The following NEK10 variants were observed in gnomAD, a reference collection of about 807,000 sequenced individuals.
The protein encoded by NEK10 is serine/threonine-protein kinase Nek10.
NEK10 carries 122 observed loss-of-function variants against 159.8 expected under a neutral mutation model. That is an observed-to-expected ratio of 0.76 (90% confidence interval 0.66 to 0.89). The LOEUF is 0.89. Ranked by LOEUF, NEK10 falls within the 40% of genes least tolerant of loss-of-function variation. The pLI is 0.00. For synonymous variants in NEK10, 466 were observed against 457.1 expected (o/e 1.02, Z -0.25); for missense variants, 1,342 against 1,323.1 (o/e 1.01, Z -0.22).
At chr3:27,162,121 G>A (rs1216840631) in intron 30 of NEK10, 1 of 239,572 alleles carries the variant, frequency 4.2e-6, no homozygotes, top group Non-Finnish European at 8.1e-6. Context: ...TATCATGTAG[G>A]TGTAGAGTTT....
At chr3:27,289,399 C>T (rs934007291) in intron 19 of NEK10, among the ~76,000 whole-genome samples, 5 of 152,320 alleles carry the variant, frequency 3.3e-5, no homozygotes, top group African/African-American at 1.2e-4. Context: ...ATGTTATCAT[C>T]CTTTCCATCA....
intron 5 of NEK10, among the ~76,000 whole-genome samples, chr3:27,335,620 T>G (rs2046749724): frequency 6.6e-6 from 1 of 152,148 alleles, no homozygotes; most frequent in Non-Finnish European, 1.5e-5. Flanking sequence ...GGCTAAAAAG[T>G]AAGTCTCAAC....
At chr3:27,203,512 T>C (rs1024295750) in intron 23 of NEK10, among the ~76,000 whole-genome samples, 2 of 152,200 alleles carry the variant, frequency 1.3e-5, no homozygotes, top group African/African-American at 4.8e-5. Context: ...TTGAACATTT[T>C]GTACTAATAG....
At chr3:27,358,129 A>C (rs2048443216) in intron 1 of NEK10, among the ~76,000 whole-genome samples, 1 of 152,226 alleles carries the variant, frequency 6.6e-6, no homozygotes, top group Admixed American at 6.5e-5. Context: ...AATTTGCTAC[A>C]CAAACACTTG....
At chr3:27,211,439 C>T (rs1046124716) in intron 23 of NEK10, among the ~76,000 whole-genome samples, 2 of 152,124 alleles carry the variant, frequency 1.3e-5, no homozygotes, top group African/African-American at 4.8e-5. Flanking sequence ...GAGTGGACAA[C>T]CAAATAGTTG....
chr3:27,113,345 C>T (rs1312512812), intron 35 of NEK10, among the ~76,000 whole-genome samples: 4 of 146,964 alleles, frequency 2.7e-5, no homozygotes, highest in Non-Finnish European at 5.9e-5. Context: ...GCAGGAGAAT[C>T]GCTTGAACCC....
intron 6 of NEK10, 119 bp downstream of exon 6, chr3:27,322,058 T>C (rs1385796307): frequency 6.7e-6 from 4 of 599,840 alleles, no homozygotes; most frequent in Non-Finnish European, 1.2e-5. Context: ...ATATGGAAGC[T>C]ATTGAGTTGT....
chr3:27,260,106 AAGG>A (rs1487422187), intron 22 of NEK10, among the ~76,000 whole-genome samples: 1 of 152,162 alleles, frequency 6.6e-6, no homozygotes, highest in Non-Finnish European at 1.5e-5. Context: ...CTATCAGCTT[AAGG>A]AGATTTTGGG....
intron 13 of NEK10, among the ~76,000 whole-genome samples, chr3:27,298,711 A>G (rs1249326337): frequency 1.3e-5 from 2 of 152,218 alleles, no homozygotes; most frequent in Non-Finnish European, 2.9e-5. Context: ...GATATGGACA[A>G]TGAAATCCAG....
chr3:27,304,095 A>G (rs2044045246), intron 12 of NEK10, among the ~76,000 whole-genome samples: 1 of 152,190 alleles, frequency 6.6e-6, no homozygotes. Context: ...TGGGAACAAA[A>G]CTATCCATTC....
intron 23 of NEK10, among the ~76,000 whole-genome samples, chr3:27,242,624 A>G (rs1216601108): frequency 4.6e-5 from 7 of 152,188 alleles, no homozygotes; most frequent in Non-Finnish European, 1.5e-5. Context: ...AGATGCACCC[A>G]TGTCCACTGG....
intron 31 of NEK10, among the ~76,000 whole-genome samples, chr3:27,135,917 T>A (rs1943144025): frequency 6.6e-6 from 1 of 152,140 alleles, no homozygotes; most frequent in African/African-American, 2.4e-5. Flanking sequence ...TCTAGTCTTA[T>A]CCATCACTAC....
At position 27,174,849 on chromosome 3, in the gene NEK10, C is replaced by A; in HGVS notation, c.2506-16G>T. 1 of 1,554,678 alleles carries A rather than the reference C, an allele frequency of 6.4e-7. No individual in the cohort carries two copies. The highest frequency in any genetic ancestry group is 8.7e-7 in the Non-Finnish European group (1 of 1,155,406). ...CAAAGGTCTCCTGGAAAGAGAAATT[C>A]AGTTTTTCATAGCCTCTTTCTCTAT... On this transcript the variant is annotated splice_polypyrimidine_tract_variant and intron_variant, in intron 26 of 35. Coordinates refer to ENST00000691995, the MANE Select transcript of NEK10 (RefSeq NM_001394966.1).
At chr3:27,207,914 T>C in intron 23 of NEK10, among the ~76,000 whole-genome samples, 1 of 152,184 alleles carries the variant, frequency 6.6e-6, no homozygotes, top group South Asian at 2.1e-4. Flanking sequence ...TAAGTCTGTG[T>C]GCCAGTAAGT....
At chr3:27,284,202 A>G (rs959428668) in intron 22 of NEK10, among the ~76,000 whole-genome samples, 1 of 152,144 alleles carries the variant, frequency 6.6e-6, no homozygotes, top group Non-Finnish European at 1.5e-5. Context: ...CCTGGCCAAC[A>G]TGGTGAAACC....
intron 23 of NEK10, among the ~76,000 whole-genome samples, chr3:27,210,374 G>A (rs1950901734): frequency 6.6e-6 from 1 of 152,052 alleles, no homozygotes. Flanking sequence ...ATCCATGAAT[G>A]GATCCTCATG....
chr3:27,151,866 G>A (rs915611613), intron 30 of NEK10, among the ~76,000 whole-genome samples: 1 of 152,096 alleles, frequency 6.6e-6, no homozygotes, highest in Non-Finnish European at 1.5e-5. Flanking sequence ...AAAATGCTCT[G>A]GAAAGTCTCA....
chr3:27,241,443 C>T (rs1033405477), intron 23 of NEK10, among the ~76,000 whole-genome samples: 2 of 152,142 alleles, frequency 1.3e-5, no homozygotes, highest in Admixed American at 1.3e-4. Flanking sequence ...CATGATGAGC[C>T]TGAAGTGCTG....
intron 32 of NEK10, among the ~76,000 whole-genome samples, chr3:27,127,535 CT>C (rs1450067484): frequency 6.6e-6 from 1 of 152,106 alleles, no homozygotes; most frequent in Non-Finnish European, 1.5e-5. Flanking sequence ...GTATTAAATA[CT>C]GTAGGCAACC....
Sources: gnomAD v4.1 joint callset for allele counts (sites outside exome capture counted in the v4.1 genomes callset) on GRCh38, gnomAD v4.1.1 for gene constraint, MANE v1.5 for transcripts, NCBI Gene and HGNC (gene_info 2026-07-23, HGNC 2026-07-21) for gene names.